SPON1: variants seen among roughly 807,000 people sequenced by gnomAD.
SPON1 encodes the protein spondin-1.
In SPON1, 52 loss-of-function variants were observed where a neutral mutation model predicts 111.7. That is an observed-to-expected ratio of 0.47 (90% CI 0.37 to 0.59). SPON1 has a LOEUF of 0.59. SPON1 is among the 20% of genes least tolerant of loss of function. SPON1 has a pLI of 0.00. For synonymous variants in SPON1, 410 were observed against 395.8 expected (o/e 1.04, Z -0.43); for missense variants, 957 against 1,068.5 (o/e 0.90, Z 1.46).
intron 3 of SPON1, among the ~76,000 whole-genome samples, chr11:14,058,240 T>G (rs1170928968): frequency 1.3e-5 from 2 of 152,080 alleles, no homozygotes; most frequent in Non-Finnish European, 2.9e-5. Context: ...CGTTCAGTGA[T>G]CCTTCCTGTA....
chr11:13,973,516 A>T (rs1554908819), intron 1 of SPON1, among the ~76,000 whole-genome samples: 5 of 152,212 alleles, frequency 3.3e-5, no homozygotes, highest in Non-Finnish European at 7.3e-5. Flanking sequence ...GAGCTGTTCC[A>T]CGACGAGGTC....
chr11:14,264,097 G>T (rs1355381311), intron 15 of SPON1, among the ~76,000 whole-genome samples: 1 of 151,964 alleles, frequency 6.6e-6, no homozygotes, highest in African/African-American at 2.4e-5. Context: ...AAGGCACAGA[G>T]ATGCCAAAGA....
chr11:14,011,764 T>C (rs185611471), intron 2 of SPON1, among the ~76,000 whole-genome samples: 11 of 151,346 alleles, frequency 7.3e-5, no homozygotes, highest in Admixed American at 5.9e-4. Context: ...AGTTAGAGAG[T>C]GGATGAGGAT....
intron 6 of SPON1, among the ~76,000 whole-genome samples, chr11:14,186,697 C>T (rs956939736): frequency 3.9e-5 from 6 of 152,272 alleles, no homozygotes; most frequent in African/African-American, 1.4e-4. Context: ...ACTACATTTC[C>T]CATTTATATC....
chr11:14,254,008 T>C (rs192239941), intron 7 of SPON1, among the ~76,000 whole-genome samples: 42 of 152,280 alleles, frequency 2.8e-4, no homozygotes, highest in Admixed American at 2.7e-3. Context: ...CTCAGGATGT[T>C]ATTCCCAGCA....
chr11:14,099,185 T>C (rs1306236088), intron 5 of SPON1, among the ~76,000 whole-genome samples: 2 of 152,248 alleles, frequency 1.3e-5, no homozygotes, highest in Non-Finnish European at 2.9e-5. Flanking sequence ...ATCCATTTTA[T>C]TTAGATTTTC....
intron 5 of SPON1, among the ~76,000 whole-genome samples, chr11:14,095,404 CTAGATAGATAGATAGATAGA>C (rs3047371): frequency 0.073 from 10,829 of 148,274 alleles, 517 homozygotes; most frequent in South Asian, 0.2. Flanking sequence ...AAATGAGAGA[CTAGATAGATAGATAGATAGA>C]TAGATAGATA....
chr11:14,148,877 G>A (rs1041516463), intron 6 of SPON1, among the ~76,000 whole-genome samples: 1 of 152,138 alleles, frequency 6.6e-6, no homozygotes, highest in Admixed American at 6.5e-5. Context: ...AAAAAGATGT[G>A]TGCACCTAAC....
intron 2 of SPON1, among the ~76,000 whole-genome samples, chr11:14,017,919 G>A (rs1554914460): frequency 6.6e-6 from 1 of 152,084 alleles, no homozygotes; most frequent in Non-Finnish European, 1.5e-5. Context: ...GTAATGTATT[G>A]ATCAAACTAA....
chr11:14,124,267 C>T (rs993715632), intron 5 of SPON1, among the ~76,000 whole-genome samples: 1 of 152,160 alleles, frequency 6.6e-6, no homozygotes, highest in Non-Finnish European at 1.5e-5. Context: ...TATGCCTCTG[C>T]TTTTGCATCT....
At chr11:14,147,479 A>G (rs7482998) in intron 6 of SPON1, among the ~76,000 whole-genome samples, 59,745 of 151,992 alleles carry the variant, frequency 0.39, 11,999 homozygotes, top group East Asian at 0.55. Context: ...GTGCAGTGGC[A>G]CAAACTTGGC....
At chr11:14,020,320 G>C (rs1848471526) in intron 2 of SPON1, among the ~76,000 whole-genome samples, 1 of 152,162 alleles carries the variant, frequency 6.6e-6, no homozygotes, top group African/African-American at 2.4e-5. Flanking sequence ...AAGTCTACAG[G>C]GGTACATCTG....
intron 9 of SPON1, among the ~76,000 whole-genome samples, chr11:14,256,093 A>G (rs1554941185): frequency 6.6e-6 from 1 of 152,140 alleles, no homozygotes. Context: ...CTAAAAATAC[A>G]AAAATTGGCT....
rs1403174094 is a variant in SPON1, at chr11:14,228,875, T to A, written c.826-14457T>A. Among the ~76,000 whole-genome samples the A allele has an allele frequency of 6.6e-6, 1 of 152,230 alleles. No homozygotes were observed. The highest frequency in any genetic ancestry group is 2.4e-5 in the African/African-American group (1 of 41,460). The stretch of plus-strand genomic sequence containing the variant: ...TAGATCTTTGAGATGATCCTTAATA[T>A]GTACACAATCTATTATTTTATTCTC... On this transcript the variant is annotated intron_variant, in intron 6 of 15. Coordinates refer to ENST00000576479, the MANE Select transcript of SPON1 (RefSeq NM_006108.4). The surrounding 1 kb of genome is among the most constrained non-coding windows in gnomAD (Gnocchi z 4.2).
chr11:14,259,568 G>A lies in SPON1; in HGVS notation c.1698G>A (p.Glu566=), dbSNP rs1428981123. Residue 566 remains glutamate, a synonymous_variant, in exon 13 of 16, where the codon GAG becomes GAA. Coordinates refer to ENST00000576479, the MANE Select transcript of SPON1 (RefSeq NM_006108.4). This position sits in a 1 kb window ranked among gnomAD's most constrained non-coding sequence, Gnocchi z 5.0. ...GCTGCCTGATGACCGAGTGGGGCGA[G>A]TGGGACGAGTGCAGCGCCACCTGCG... ...PSSCLMTEWG[E]WDECSATCGM... The A allele has an allele frequency of 1.7e-5, 26 of 1,553,420 alleles. No homozygotes were observed. The highest frequency in any genetic ancestry group is 2.3e-5 in the Non-Finnish European group (26 of 1,148,582).
intron 1 of SPON1, among the ~76,000 whole-genome samples, chr11:13,973,470 C>T (rs556000201): frequency 6.6e-6 from 1 of 152,318 alleles, no homozygotes; most frequent in East Asian, 1.9e-4. Context: ...CTGCTATCCA[C>T]GTGTTGTTCA....
In SPON1 at chr11:13,963,081, C is replaced by A; in HGVS notation, c.177C>A (p.Thr59=). 2 of 1,564,506 alleles carry A rather than the reference C, an allele frequency of 1.3e-6. No individual in the cohort carries two copies. Among genetic ancestry groups the A allele is most frequent in the East Asian group, 2.5e-5 (1 of 40,470 alleles). ...RAQGTRREGY[T]EFSLRVEGDP... is the part of the protein sequence containing the mutation. ...AGGGCACGCGGCGCGAGGGCTACAC[C>A]GAGTTCAGCCTCCGCGTGGAGGGCG... The change falls in exon 1 of 16, where the codon ACC becomes ACA. Residue 59 remains threonine, a synonymous_variant. Coordinates refer to ENST00000576479, the MANE Select transcript of SPON1 (RefSeq NM_006108.4).
chr11:13,989,297 A>T (rs1484233706), intron 2 of SPON1, among the ~76,000 whole-genome samples: 1 of 152,144 alleles, frequency 6.6e-6, no homozygotes, highest in Non-Finnish European at 1.5e-5. Context: ...GTGTCCAGGA[A>T]TTTATCCATT....
At chr11:13,970,777 G>C (rs1003198424) in intron 1 of SPON1, among the ~76,000 whole-genome samples, 1 of 152,156 alleles carries the variant, frequency 6.6e-6, no homozygotes, top group Admixed American at 6.5e-5. Context: ...CTTTAAAGAG[G>C]CTGCTCTCAC....
Sources: allele counts gnomAD v4.1 joint callset (sites outside exome capture counted in the v4.1 genomes callset), GRCh38; gene constraint gnomAD v4.1.1; non-coding constraint Gnocchi (gnomAD v3.1); transcripts MANE v1.5; gene names NCBI Gene and HGNC (gene_info 2026-07-23, HGNC 2026-07-21).